The following CACNA1B variants were observed in gnomAD, a reference collection of about 807,000 sequenced individuals.
CACNA1B encodes voltage-dependent N-type calcium channel subunit alpha-1B.
A neutral mutation model predicts 247.2 loss-of-function variants in CACNA1B; 70 were observed. The observed-to-expected ratio is 0.28, with a 90% CI of 0.23 to 0.35. CACNA1B has a LOEUF of 0.35. Among genes scored for constraint, CACNA1B ranks in the 10% least tolerant of loss-of-function variants. CACNA1B has a pLI of 1.00. For missense variants in CACNA1B, 2,367 were observed against 3,197.4 expected (o/e 0.74, Z 6.26); for synonymous variants, 1,231 against 1,294.4 (o/e 0.95, Z 1.05).
intron 26 of CACNA1B, among the ~76,000 whole-genome samples, chr9:138,055,621 A>G (rs1357250313): frequency 1.3e-5 from 2 of 152,190 alleles, no homozygotes; most frequent in Admixed American, 6.5e-5. Context: ...TGTGTTACAT[A>G]AGGTATGGGT....
intron 36 of CACNA1B, among the ~76,000 whole-genome samples, 154 bp from the exon 37 acceptor site, chr9:138,096,330 G>A (rs556549400): frequency 1.3e-5 from 2 of 152,196 alleles, no homozygotes; most frequent in Non-Finnish European, 2.9e-5. Context: ...AGTCTTGGAA[G>A]TCCCATGGGG....
chr9:137,910,062 C>T (rs778489707), intron 3 of CACNA1B, among the ~76,000 whole-genome samples: 10 of 152,104 alleles, frequency 6.6e-5, no homozygotes, highest in Non-Finnish European at 1.5e-4. Context: ...TGAGCCACCG[C>T]GCCTGGCCAA....
At position 137,954,333 on chromosome 9, in the gene CACNA1B, A is replaced by G. The variant is rs1209886405; in HGVS notation, c.1071-1365A>G. On this transcript the variant is annotated intron_variant, in intron 7 of 46. Coordinates refer to ENST00000371372, the MANE Select transcript of CACNA1B (RefSeq NM_000718.4). This position sits in a 1 kb window ranked among gnomAD's most constrained non-coding sequence, Gnocchi z 4.1. ...GGGGCCAGCTTGGGGCCAATTCGGCATCTCTCTCTCCATTCCCAGAGCTCC... is the reference window on the plus strand; with the variant it reads ...GGGGCCAGCTTGGGGCCAATTCGGCGTCTCTCTCTCCATTCCCAGAGCTCC... Among the ~76,000 whole-genome samples, 2 of 152,182 alleles carry G rather than the reference A, an allele frequency of 1.3e-5. No homozygotes were observed. Among genetic ancestry groups the G allele is most frequent in the African/African-American group, 4.8e-5 (2 of 41,452 alleles).
intron 12 of CACNA1B, among the ~76,000 whole-genome samples, chr9:137,979,793 C>T (rs1248536511): frequency 2.0e-5 from 3 of 152,180 alleles, no homozygotes; most frequent in Non-Finnish European, 2.9e-5. Flanking sequence ...GCAGTGGCTG[C>T]GGTACCTCTT....
intron 16 of CACNA1B, among the ~76,000 whole-genome samples, chr9:138,008,967 A>G (rs1253448732): frequency 6.6e-6 from 1 of 152,200 alleles, no homozygotes. Flanking sequence ...GGCACCCCCA[A>G]TGGCCAGGGT....
At chr9:138,078,076 G>A (rs1409098480) in intron 35 of CACNA1B, 38 bp from the exon 36 acceptor site, 7 of 1,603,780 alleles carry the variant, frequency 4.4e-6, no homozygotes, top group Non-Finnish European at 6.0e-6. Flanking sequence ...CTCCCTCAAG[G>A]GCCTCTGTGG....
chr9:138,007,101 TG>T lies in CACNA1B; in HGVS notation c.2092+222del, dbSNP rs1193147338. On this transcript the variant is annotated intron_variant, in intron 16 of 46. Transcript: ENST00000371372. This position sits in a 1 kb window ranked among gnomAD's most constrained non-coding sequence, Gnocchi z 4.1. ...TTGAGGGAGCATGAGCTGCTGCGTG[TG>T]GGGGTATCCAGAGGTGGGGGTGGGT... Among the ~76,000 whole-genome samples, 2 of 140,142 alleles carry T rather than the reference TG, an allele frequency of 1.4e-5. No individual in the cohort carries two copies. The highest frequency in any genetic ancestry group is 4.7e-4 in the South Asian group (2 of 4,278). The allele number at this position is 140,142 out of a possible 152,430, so 91.9% of individuals were successfully genotyped here.
chr9:138,118,419 G>A (rs1961953726), intron 43 of CACNA1B, among the ~76,000 whole-genome samples: 1 of 123,710 alleles, frequency 8.1e-6, no homozygotes, highest in Non-Finnish European at 1.7e-5. Context: ...GACTTGGGTG[G>A]GGGATGTGTG....
At chr9:137,933,721 C>T (rs970763130) in intron 6 of CACNA1B, among the ~76,000 whole-genome samples, 1 of 152,112 alleles carries the variant, frequency 6.6e-6, no homozygotes, top group Non-Finnish European at 1.5e-5. Context: ...CAGTCCTTTG[C>T]CAGGGCTGGG....
intron 6 of CACNA1B, among the ~76,000 whole-genome samples, chr9:137,923,673 T>C (rs1162978655): frequency 6.6e-6 from 1 of 152,194 alleles, no homozygotes; most frequent in Non-Finnish European, 1.5e-5. Context: ...TGCCAAAGAG[T>C]GCAAATTTCT....
intron 41 of CACNA1B, among the ~76,000 whole-genome samples, chr9:138,115,233 A>G (rs986859818): frequency 1.3e-5 from 2 of 152,182 alleles, no homozygotes; most frequent in Non-Finnish European, 2.9e-5. Context: ...GCCACCTGTA[A>G]TCTGGTCCAA....
chr9:138,027,942 T>C (rs1589078486), intron 20 of CACNA1B, among the ~76,000 whole-genome samples: 1 of 151,934 alleles, frequency 6.6e-6, no homozygotes, highest in East Asian at 1.9e-4. Context: ...TGACATAGAG[T>C]TATCTATTGC....
chr9:137,909,101 C>T (rs1327099792), intron 3 of CACNA1B, among the ~76,000 whole-genome samples: 1 of 151,742 alleles, frequency 6.6e-6, no homozygotes, highest in African/African-American at 2.4e-5. Context: ...AGCGATTCTC[C>T]CACCTCAGCC....
At position 138,100,112 on chromosome 9, in the gene CACNA1B, G is replaced by A. The variant is rs182874020; in HGVS notation, c.5223-2599G>A. The stretch of plus-strand genomic sequence containing the variant: ...AAGAATGAGAGGAGGTGCCATTTGA[G>A]CTGAACTTAAAGGAATAGGAAGGAT... On this transcript the variant is annotated intron_variant, in intron 37 of 46. Transcript: ENST00000371372. The surrounding 1 kb of genome is among the most constrained non-coding windows in gnomAD (Gnocchi z 4.6). 7.9e-5 allele frequency among the ~76,000 whole-genome samples: 12 copies of A among 152,342 alleles called. No individual in the cohort carries two copies. The highest frequency in any genetic ancestry group is 2.9e-4 in the African/African-American group (12 of 41,586).
intron 20 of CACNA1B, among the ~76,000 whole-genome samples, chr9:138,041,638 C>T (rs968389586): frequency 2.0e-5 from 3 of 152,128 alleles, no homozygotes; most frequent in Admixed American, 6.5e-5. Context: ...TGTAGTAAAT[C>T]GATTTCAGAG....
At chr9:137,908,641 A>T (rs1021199509) in intron 3 of CACNA1B, among the ~76,000 whole-genome samples, 8 of 151,812 alleles carry the variant, frequency 5.3e-5, no homozygotes, top group East Asian at 1.9e-4. Flanking sequence ...TATTATTATT[A>T]TTTTTTTGAG....
chr9:138,091,054 G>A (rs1265014475), intron 36 of CACNA1B, among the ~76,000 whole-genome samples: 2 of 152,100 alleles, frequency 1.3e-5, no homozygotes, highest in Non-Finnish European at 2.9e-5. Context: ...CCAAACGGAG[G>A]GAAATCAATT....
intron 21 of CACNA1B, among the ~76,000 whole-genome samples, chr9:138,044,909 T>C (rs1564255982): frequency 6.6e-6 from 1 of 152,090 alleles, no homozygotes; most frequent in Non-Finnish European, 1.5e-5. Context: ...AGTAAAGCGG[T>C]AATGGAGACA....
rs1174698012 is a variant in CACNA1B at position 137,919,390 on chromosome 9, C to T, written c.966+1959C>T. Among the ~76,000 whole-genome samples the T allele has an allele frequency of 6.6e-6, 1 of 152,236 alleles. No individual in the cohort carries two copies. Among genetic ancestry groups the T allele is most frequent in the Non-Finnish European group, 1.5e-5 (1 of 68,044 alleles). On this transcript the variant is annotated intron_variant, in intron 6 of 46. Coordinates refer to ENST00000371372, the MANE Select transcript of CACNA1B (RefSeq NM_000718.4). The surrounding 1 kb of genome is among the most constrained non-coding windows in gnomAD (Gnocchi z 4.6). Reference sequence around the variant, plus strand: ...GGCCTGGTGAGGTCTAGAAACCAGACATGCAGATGCTACAACACCTTGGAA... The same window carrying T: ...GGCCTGGTGAGGTCTAGAAACCAGATATGCAGATGCTACAACACCTTGGAA...
Sources: gnomAD v4.1 joint callset for allele counts (sites outside exome capture counted in the v4.1 genomes callset) on GRCh38, gnomAD v4.1.1 for gene constraint, Gnocchi (gnomAD v3.1) non-coding constraint, MANE v1.5 for transcripts, NCBI Gene and HGNC (gene_info 2026-07-23, HGNC 2026-07-21) for gene names.